SLC39A12: variants seen among roughly 807,000 people sequenced by gnomAD.
The protein encoded by SLC39A12 is zinc transporter ZIP12.
A neutral mutation model predicts 71.1 loss-of-function variants in SLC39A12; 63 were observed. The ratio of observed to expected loss-of-function variants is 0.89; its 90% CI spans 0.72 to 1.09. The LOEUF is 1.09. Among genes scored for constraint, SLC39A12 ranks in the 50% least tolerant of loss-of-function variants. The probability of loss-of-function intolerance (pLI) is 0.00; values close to 1 mark genes in which losing one functional copy is unlikely to be tolerated. For synonymous variants in SLC39A12, 351 were observed against 301.3 expected, an observed-to-expected ratio of 1.16 and a Z score of -1.71; for missense variants, 892 against 812.6, an observed-to-expected ratio of 1.10 and a Z score of -1.19.
rs1837048611 is a variant in SLC39A12 at position 18,036,777 on chromosome 10, T to TAATTAA, written c.1948-5927_1948-5926insATTAAA. 1.1e-4 allele frequency among the ~76,000 whole-genome samples: 2 copies of TAATTAA among 18,716 alleles called. 1 individual carries two copies. The highest frequency in any genetic ancestry group is 3.3e-3 in the East Asian group (2 of 610). 12.3% of individuals were successfully genotyped at this position (18,716 alleles called of 152,430 possible). A position where few individuals can be genotyped will look rare whatever the true frequency, so the allele number is the denominator to read the frequency against. The stretch of plus-strand genomic sequence containing the variant: ...ATATATATATATATATATATATATA[T>TAATTAA]ATATATATATATATATATTTTTTTT... On this transcript the variant is annotated intron_variant, in intron 12 of 12. Transcript: ENST00000377369.
chr10:17,999,667 A>G (rs1005343616), intron 10 of SLC39A12, among the ~76,000 whole-genome samples: 4 of 152,210 alleles, frequency 2.6e-5, no homozygotes, highest in South Asian at 2.1e-4. Context: ...ATCGAATTCC[A>G]TGAAGACAGA....
chr10:17,964,939 G>A (rs1301620595), intron 3 of SLC39A12, among the ~76,000 whole-genome samples: 1 of 152,350 alleles, frequency 6.6e-6, no homozygotes, highest in South Asian at 2.1e-4. Context: ...GGGTGTGGTG[G>A]CTTATGCCTG....
intron 12 of SLC39A12, among the ~76,000 whole-genome samples, chr10:18,008,393 G>A (rs978736454): frequency 2.6e-5 from 4 of 152,190 alleles, no homozygotes; most frequent in South Asian, 2.1e-4. Flanking sequence ...AGATGGGGCC[G>A]ACTAGTTGCA....
chr10:18,009,999 C>G (rs1836155690), intron 12 of SLC39A12, among the ~76,000 whole-genome samples: 1 of 152,170 alleles, frequency 6.6e-6, no homozygotes, highest in Admixed American at 6.5e-5. Context: ...TCTAGCCAGG[C>G]TTCTCCTCTC....
chr10:17,995,631 T>C (rs1230934009), intron 9 of SLC39A12, 25 bp from the exon 10 acceptor site: 3 of 1,602,520 alleles, frequency 1.9e-6, no homozygotes, highest in East Asian at 4.5e-5. Context: ...TTATCTTTCA[T>C]CAGTTATTTT....
chr10:18,039,573 TTA>T (rs201515953), intron 12 of SLC39A12, among the ~76,000 whole-genome samples: 3,255 of 152,056 alleles, frequency 0.021, 48 homozygotes, highest in South Asian at 0.045. Context: ...ACTAAGAATT[TTA>T]AAATTAGCTG....
At chr10:17,957,801 C>A (rs10827911) in intron 2 of SLC39A12, among the ~76,000 whole-genome samples, 41,006 of 151,996 alleles carry the variant, frequency 0.27, 5,761 homozygotes, top group South Asian at 0.33. Flanking sequence ...CACCTGTATT[C>A]TTTCCTCAAG....
chr10:17,964,273 C>T (rs1236988128), intron 3 of SLC39A12, among the ~76,000 whole-genome samples: 1 of 152,206 alleles, frequency 6.6e-6, no homozygotes, highest in African/African-American at 2.4e-5. Flanking sequence ...GCTACTTCTC[C>T]AAATTTATCA....
chr10:18,023,230 A>G (rs1836583172), intron 12 of SLC39A12, among the ~76,000 whole-genome samples: 1 of 152,160 alleles, frequency 6.6e-6, no homozygotes. Flanking sequence ...TCCACCCAAG[A>G]GAAACTTAGA....
At chr10:18,037,611 A>T (rs954767966) in intron 12 of SLC39A12, among the ~76,000 whole-genome samples, 4 of 146,734 alleles carry the variant, frequency 2.7e-5, no homozygotes, top group Non-Finnish European at 4.4e-5. Flanking sequence ...GGGGGGAAAT[A>T]TATATGTAAG....
chr10:17,983,622 A>G (rs776461661), intron 6 of SLC39A12, among the ~76,000 whole-genome samples: 2 of 152,122 alleles, frequency 1.3e-5, no homozygotes, highest in Non-Finnish European at 2.9e-5. Context: ...TCTCTACTAA[A>G]AATACAAAAA....
intron 7 of SLC39A12, among the ~76,000 whole-genome samples, chr10:17,989,065 C>T (rs1036355802): frequency 4.6e-5 from 7 of 152,142 alleles, no homozygotes; most frequent in East Asian, 1.9e-4. Flanking sequence ...CTCCTGTTGA[C>T]GTGTGCTGAG....
At chr10:17,953,153 A>G in intron 1 of SLC39A12, 38 bp from the exon 2 acceptor site, 1 of 1,215,154 alleles carries the variant, frequency 8.2e-7, no homozygotes, top group Non-Finnish European at 1.2e-6. Flanking sequence ...TGTTGCAGGC[A>G]CAATAATTGA....
chr10:17,982,762 T>A (rs1425658067), intron 6 of SLC39A12, among the ~76,000 whole-genome samples: 1 of 152,058 alleles, frequency 6.6e-6, no homozygotes, highest in Non-Finnish European at 1.5e-5. Flanking sequence ...GGGGCCGGAA[T>A]GTACAGGCCG....
rs369818786 is a variant in SLC39A12, at chr10:18,036,549, G to A, written c.1948-6156G>A. On this transcript the variant is annotated intron_variant, in intron 12 of 12. Transcript: ENST00000377369. ...ACCCACTGGCCTGCGCCCACTGTCC[G>A]GCACTCCCTAGTGAGATGAACCCAG... is the stretch of plus-strand genomic sequence containing the variant. 2.2e-4 allele frequency among the ~76,000 whole-genome samples: 34 copies of A among 151,680 alleles called. No homozygotes were observed. The East Asian group carries it at 5.5e-3, about 25-fold the overall frequency.
chr10:17,981,256 A>C, intron 5 of SLC39A12, 56 bp from the exon 6 acceptor site: 1 of 1,468,528 alleles, frequency 6.8e-7, no homozygotes, highest in African/African-American at 1.4e-5. Flanking sequence ...CAACTGGTGG[A>C]GAATCTAGTT....
chr10:18,043,026 T>C lies in SLC39A12; in HGVS notation c.*193T>C, dbSNP rs1225102043. 4 of 338,948 alleles carry C rather than the reference T, an allele frequency of 1.2e-5. No individual in the cohort carries two copies. Among genetic ancestry groups the C allele is most frequent in the South Asian group, 2.3e-4 (2 of 8,872 alleles). The allele number at this position is 338,948 out of a possible 1,614,324, so 21.0% of individuals were successfully genotyped here. A position where few individuals can be genotyped will look rare whatever the true frequency, so the allele number is the denominator to read the frequency against. On this transcript the variant is annotated 3_prime_UTR_variant, in exon 13 of 13. Transcript: ENST00000377369. ...CATATAAATATCAGACTGTCCTTAA[T>C]TGAAATTTTGTCTTTGGTTTCCAAC... is the stretch of plus-strand genomic sequence containing the variant.
chr10:18,024,642 T>A (rs1409688068), intron 12 of SLC39A12, among the ~76,000 whole-genome samples: 1 of 152,198 alleles, frequency 6.6e-6, no homozygotes, highest in Non-Finnish European at 1.5e-5. Context: ...AAGCACACGC[T>A]AGCTACTTCT....
intron 12 of SLC39A12, among the ~76,000 whole-genome samples, chr10:18,007,681 T>C (rs1836069902): frequency 6.6e-6 from 1 of 152,248 alleles, no homozygotes; most frequent in Non-Finnish European, 1.5e-5. Context: ...CCCCCCCTTT[T>C]TAGACCATAT....
Sources: gnomAD v4.1 joint callset for allele counts (sites outside exome capture counted in the v4.1 genomes callset) on GRCh38, gnomAD v4.1.1 for gene constraint, MANE v1.5 for transcripts, NCBI Gene and HGNC (gene_info 2026-07-23, HGNC 2026-07-21) for gene names.